Variants in GPATCH2 observed in about 807,000 individuals in gnomAD.
GPATCH2 encodes the protein G patch domain-containing protein 2.
GPATCH2 carries 51 observed loss-of-function variants against 58.0 expected under a neutral mutation model. The ratio of observed to expected loss-of-function variants is 0.88; its 90% CI spans 0.70 to 1.11. GPATCH2 has a LOEUF of 1.11. Ranked by LOEUF, GPATCH2 falls within the 50% of genes most tolerant of loss-of-function variation. GPATCH2 has a pLI of 0.00. For missense variants in GPATCH2, 625 were observed against 652.2 expected (o/e 0.96, Z 0.45); for synonymous variants, 222 against 218.5 (o/e 1.02, Z -0.14).
intron 6 of GPATCH2, among the ~76,000 whole-genome samples, chr1:217,513,372 T>A (rs1164981484): frequency 1.3e-5 from 2 of 152,172 alleles, no homozygotes; most frequent in Non-Finnish European, 2.9e-5. Context: ...TAGGCCACTA[T>A]AAGATTATGA....
At chr1:217,521,143 G>C (rs1663434360) in intron 5 of GPATCH2, among the ~76,000 whole-genome samples, 1 of 152,154 alleles carries the variant, frequency 6.6e-6, no homozygotes, top group Non-Finnish European at 1.5e-5. Context: ...ACAGTGTCCA[G>C]CCACTCTTGT....
At chr1:217,564,536 G>C (rs146809253) in intron 5 of GPATCH2, among the ~76,000 whole-genome samples, 1 of 152,258 alleles carries the variant, frequency 6.6e-6, no homozygotes, top group Admixed American at 6.5e-5. Context: ...ACATCACCGA[G>C]TCAAGGCTTA....
intron 5 of GPATCH2, among the ~76,000 whole-genome samples, chr1:217,519,170 G>A (rs144263789): frequency 7.3e-4 from 111 of 152,158 alleles, no homozygotes; most frequent in Non-Finnish European, 1.4e-3. Context: ...AAGATTCTTC[G>A]AAAGCATTTC....
intron 5 of GPATCH2, among the ~76,000 whole-genome samples, chr1:217,533,576 A>G (rs1451457909): frequency 1.3e-5 from 2 of 152,196 alleles, no homozygotes; most frequent in Non-Finnish European, 2.9e-5. Flanking sequence ...CAGCATCTAG[A>G]GACTAGGAAT....
intron 5 of GPATCH2, chr1:217,608,478 A>G: frequency 2.0e-6 from 2 of 985,164 alleles, no homozygotes; most frequent in African/African-American, 3.5e-5. Context: ...TATCATCAAT[A>G]CCATGAAGCT....
In GPATCH2 at chr1:217,469,178, A is replaced by G. The variant is rs371337720; in HGVS notation, c.1278-19841T>C. ...TTTATCTGAGGTTTATTGTCCTTAG[A>G]AAGGATAATAGTAGTTTTTATTCCA... On this transcript the variant is annotated intron_variant, in intron 8 of 9. Transcript: ENST00000366935. 2.0e-5 allele frequency among the ~76,000 whole-genome samples: 3 copies of G among 152,262 alleles called. No individual in the cohort carries two copies. In the East Asian group the frequency reaches 5.8e-4, roughly 29 times the overall value.
At chr1:217,504,563 G>C (rs1651858066) in intron 6 of GPATCH2, among the ~76,000 whole-genome samples, 1 of 152,176 alleles carries the variant, frequency 6.6e-6, no homozygotes, top group Non-Finnish European at 1.5e-5. Flanking sequence ...AGTGTTAGTT[G>C]TGTGCTGGTT....
At chr1:217,592,002 G>A (rs910003966) in intron 5 of GPATCH2, among the ~76,000 whole-genome samples, 2 of 81,830 alleles carry the variant, frequency 2.4e-5, no homozygotes, top group African/African-American at 3.5e-5. Context: ...TAAAGACTTC[G>A]TATATCAAAA....
At chr1:217,443,484 G>A (rs367933877) in intron 9 of GPATCH2, among the ~76,000 whole-genome samples, 1 of 152,038 alleles carries the variant, frequency 6.6e-6, no homozygotes, top group Admixed American at 6.6e-5. Context: ...GTGTTCTCAA[G>A]TTTTATTACA....
At chr1:217,453,592 A>G (rs1659776548) in intron 8 of GPATCH2, among the ~76,000 whole-genome samples, 1 of 152,146 alleles carries the variant, frequency 6.6e-6, no homozygotes, top group Non-Finnish European at 1.5e-5. Context: ...GCTGCAGGCT[A>G]TCTTTTAAAT....
chr1:217,620,223 T>TTTA lies in GPATCH2; in HGVS notation c.330_332dup (p.Asn110dup). 1 of 1,614,006 alleles carries TTTA rather than the reference T, an allele frequency of 6.2e-7. No homozygotes were observed. Among genetic ancestry groups the TTTA allele is most frequent in the African/African-American group, 1.3e-5 (1 of 75,054 alleles). On this transcript the variant is annotated inframe_insertion, in exon 2 of 10. Transcript: ENST00000366935. ...GGTCATCAGAGTCACTGTGATCTTT[T>TTTA]TTATTATTATTGTGATTCTCTCTAT...
intron 2 of GPATCH2, among the ~76,000 whole-genome samples, chr1:217,618,085 G>A (rs1668985452): frequency 6.6e-6 from 1 of 152,034 alleles, no homozygotes; most frequent in Non-Finnish European, 1.5e-5. Context: ...AATTGAGTCA[G>A]ACAATTACTT....
intron 8 of GPATCH2, among the ~76,000 whole-genome samples, chr1:217,454,749 C>T (rs909431862): frequency 1.3e-4 from 20 of 151,870 alleles, no homozygotes; most frequent in African/African-American, 4.8e-4. Context: ...CCCACCCTCC[C>T]GGCCCCCACG....
At chr1:217,570,959 A>T (rs946497337) in intron 5 of GPATCH2, among the ~76,000 whole-genome samples, 6 of 152,238 alleles carry the variant, frequency 3.9e-5, no homozygotes, top group African/African-American at 1.4e-4. Flanking sequence ...AAGCAAACTT[A>T]GGCAAAGAAA....
intron 1 of GPATCH2, among the ~76,000 whole-genome samples, chr1:217,627,216 G>A (rs1034855636): frequency 6.6e-6 from 1 of 151,864 alleles, no homozygotes; most frequent in South Asian, 2.1e-4. Flanking sequence ...ATGTTTCAAC[G>A]ACCTCTACCC....
chr1:217,560,831 C>A (rs75575507), intron 5 of GPATCH2, among the ~76,000 whole-genome samples: 4 of 152,070 alleles, frequency 2.6e-5, no homozygotes, highest in Admixed American at 1.3e-4. Flanking sequence ...TCTCCCATGG[C>A]GGTTATATTT....
At chr1:217,445,801 C>G (rs1659361853) in intron 9 of GPATCH2, among the ~76,000 whole-genome samples, 1 of 152,112 alleles carries the variant, frequency 6.6e-6, no homozygotes. Context: ...GCTGGTTAGT[C>G]TAGCGCTTTC....
chr1:217,535,128 G>A (rs138771438), intron 5 of GPATCH2, among the ~76,000 whole-genome samples: 1 of 152,186 alleles, frequency 6.6e-6, no homozygotes, highest in African/African-American at 2.4e-5. Flanking sequence ...GCCCCAATCT[G>A]CTTTACCAAC....
At chr1:217,620,678 C>G (rs1403690824) in intron 1 of GPATCH2, among the ~76,000 whole-genome samples, 179 bp from the exon 2 acceptor site, 1 of 152,150 alleles carries the variant, frequency 6.6e-6, no homozygotes, top group Non-Finnish European at 1.5e-5. Context: ...TAGGCCTCTT[C>G]TTATATAAGT....
Sources: allele counts gnomAD v4.1 joint callset (sites outside exome capture counted in the v4.1 genomes callset), GRCh38; gene constraint gnomAD v4.1.1; transcripts MANE v1.5; gene names NCBI Gene and HGNC (gene_info 2026-07-23, HGNC 2026-07-21).